DOCK3: variants seen among roughly 807,000 people sequenced by gnomAD.
The protein encoded by DOCK3 is dedicator of cytokinesis protein 3.
A neutral mutation model predicts 265.6 loss-of-function variants in DOCK3; 60 were observed. The ratio of observed to expected loss-of-function variants is 0.23; its 90% CI spans 0.18 to 0.28. The LOEUF (loss-of-function observed/expected upper bound fraction) is 0.28, where lower values mean the gene tolerates loss of function less well. DOCK3 is among the 10% of genes least tolerant of loss of function. The pLI is 1.00. For synonymous variants in DOCK3, 881 were observed against 938.0 expected (o/e 0.94, Z 1.11); for missense variants, 1,981 against 2,594.3 (o/e 0.76, Z 5.14).
intron 19 of DOCK3, among the ~76,000 whole-genome samples, chr3:51,234,075 T>C (rs1440078818): frequency 8.5e-5 from 13 of 152,240 alleles, no homozygotes. Flanking sequence ...TATACTGTTT[T>C]CCATAATGGC....
At chr3:50,720,589 T>C (rs1026507683) in intron 1 of DOCK3, among the ~76,000 whole-genome samples, 4 of 152,242 alleles carry the variant, frequency 2.6e-5, no homozygotes, top group Admixed American at 2.6e-4. Context: ...TGAATAGTGC[T>C]GCGAAGAACA....
At chr3:50,732,464 C>T (rs1478154740) in intron 1 of DOCK3, among the ~76,000 whole-genome samples, 1 of 151,920 alleles carries the variant, frequency 6.6e-6, no homozygotes, top group Non-Finnish European at 1.5e-5. Flanking sequence ...AGTGCAGTGG[C>T]GTGATACGTA....
intron 1 of DOCK3, among the ~76,000 whole-genome samples, 156 bp from the exon 2 acceptor site, chr3:50,778,519 T>C (rs1223481756): frequency 1.3e-5 from 2 of 152,150 alleles, no homozygotes; most frequent in Admixed American, 1.3e-4. Context: ...TTTTTCAAAA[T>C]GTAGATTAAA....
intron 9 of DOCK3, among the ~76,000 whole-genome samples, chr3:51,122,790 C>T (rs866898085): frequency 1.4e-4 from 21 of 152,344 alleles, no homozygotes; most frequent in Middle Eastern, 3.4e-3. Context: ...AGAAGAGCAT[C>T]CTGACATCTG....
intron 2 of DOCK3, among the ~76,000 whole-genome samples, chr3:50,811,505 AAATGAT>A (rs2043754185): frequency 6.6e-6 from 1 of 152,226 alleles, no homozygotes; most frequent in South Asian, 2.1e-4. Flanking sequence ...TCAGAATGAT[AAATGAT>A]TTTATACATA....
intron 22 of DOCK3, among the ~76,000 whole-genome samples, chr3:51,250,109 T>G (rs1170466881): frequency 6.6e-6 from 1 of 151,426 alleles, no homozygotes; most frequent in Non-Finnish European, 1.5e-5. Flanking sequence ...CTCCCTAATC[T>G]CAAGTACCCA....
chr3:51,083,420 G>C (rs1047928319), intron 7 of DOCK3, among the ~76,000 whole-genome samples: 1 of 151,914 alleles, frequency 6.6e-6, no homozygotes, highest in Non-Finnish European at 1.5e-5. Flanking sequence ...TCCAAACAAA[G>C]ACAATAATTC....
intron 35 of DOCK3, among the ~76,000 whole-genome samples, chr3:51,333,944 G>A (rs374676499): frequency 1.7e-4 from 26 of 151,780 alleles, no homozygotes; most frequent in African/African-American, 5.6e-4. Flanking sequence ...AGGCTCAAGC[G>A]ATCCTCCCAC....
At chr3:51,227,189 C>T in intron 15 of DOCK3, 94 bp from the exon 16 acceptor site, 7 of 1,445,958 alleles carry the variant, frequency 4.8e-6, no homozygotes, top group Non-Finnish European at 4.7e-6. Flanking sequence ...AAAAATGAGA[C>T]CTTTAGACAA....
At chr3:51,269,094 A>ACTCT (rs113113347) in intron 23 of DOCK3, among the ~76,000 whole-genome samples, 3,486 of 141,014 alleles carry the variant, frequency 0.025, 135 homozygotes, top group African/African-American at 0.081. Flanking sequence ...GAGTTTCACA[A>ACTCT]CTCTCTCTCT....
At chr3:50,757,433 A>G (rs2040233157) in intron 1 of DOCK3, among the ~76,000 whole-genome samples, 1 of 151,910 alleles carries the variant, frequency 6.6e-6, no homozygotes. Context: ...GGGCCTCCCA[A>G]AGTGCTGCGA....
intron 3 of DOCK3, among the ~76,000 whole-genome samples, chr3:50,879,087 T>G (rs2047881180): frequency 6.6e-6 from 1 of 152,202 alleles, no homozygotes; most frequent in South Asian, 2.1e-4. Context: ...CTGAGAGATT[T>G]TGTCACCACC....
intron 27 of DOCK3, among the ~76,000 whole-genome samples, chr3:51,308,363 C>T (rs916701229): frequency 2.0e-5 from 3 of 151,464 alleles, no homozygotes; most frequent in Non-Finnish European, 4.4e-5. Context: ...GAGGACCCTG[C>T]GGCCTTCCGC....
chr3:50,973,057 T>TTTC (rs1225057224), intron 5 of DOCK3, among the ~76,000 whole-genome samples: 3 of 143,024 alleles, frequency 2.1e-5, no homozygotes, highest in East Asian at 2.0e-4. Context: ...TTCTTTTTTT[T>TTTC]TTTTTTTTTT....
Position 51,138,330 on chromosome 3 carries a change from C to T in DOCK3, c.747-8219C>T, listed in dbSNP as rs116620887. 7.5e-3 allele frequency among the ~76,000 whole-genome samples: 1,147 copies of T among 151,952 alleles called. 15 individuals are homozygous for T. Among genetic ancestry groups the T allele is most frequent in the African/African-American group, 0.026 (1,096 of 41,426 alleles). ...GAAGCTAGCAAAATATATAAATAAA[C>T]GGGTATATAAACAGGTGTGATAGAT... On this transcript the variant is annotated intron_variant, in intron 9 of 52. Coordinates refer to ENST00000266037, the MANE Select transcript of DOCK3 (RefSeq NM_004947.5).
chr3:51,143,674 T>G (rs2085169268), intron 9 of DOCK3, among the ~76,000 whole-genome samples: 1 of 152,236 alleles, frequency 6.6e-6, no homozygotes, highest in Non-Finnish European at 1.5e-5. Flanking sequence ...TCAAATCTTG[T>G]GTCCATTTTT....
intron 3 of DOCK3, among the ~76,000 whole-genome samples, chr3:50,888,894 T>C (rs951131424): frequency 1.3e-5 from 2 of 152,164 alleles, no homozygotes; most frequent in Non-Finnish European, 2.9e-5. Flanking sequence ...CTTAAATCCT[T>C]TTTTTAAGTC....
At chr3:51,368,265 A>G (rs1161753357) in intron 49 of DOCK3, among the ~76,000 whole-genome samples, 1 of 152,170 alleles carries the variant, frequency 6.6e-6, no homozygotes, top group Non-Finnish European at 1.5e-5. Flanking sequence ...GCATTGCCTC[A>G]CCCAGGAAAT....
chr3:51,339,688 G>A (rs928132943), intron 37 of DOCK3, among the ~76,000 whole-genome samples: 3 of 152,142 alleles, frequency 2.0e-5, no homozygotes, highest in Admixed American at 6.5e-5. Flanking sequence ...TGAGAACCAC[G>A]CTGAATCGGG....
Sources: gnomAD v4.1 joint callset for allele counts (sites outside exome capture counted in the v4.1 genomes callset) on GRCh38, gnomAD v4.1.1 for gene constraint, MANE v1.5 for transcripts, NCBI Gene and HGNC (gene_info 2026-07-23, HGNC 2026-07-21) for gene names.